The following JAKMIP3 variants were observed in gnomAD, a reference collection of about 807,000 sequenced individuals.
JAKMIP3 encodes janus kinase and microtubule-interacting protein 3.
Under a neutral mutation model 118.5 loss-of-function variants are expected in JAKMIP3, and 58 were observed. That is an observed-to-expected ratio of 0.49 (90% CI 0.40 to 0.61). JAKMIP3 has a LOEUF of 0.61. Among genes scored for constraint, JAKMIP3 ranks in the 20% least tolerant of loss-of-function variants. JAKMIP3 has a pLI of 0.00. For missense variants in JAKMIP3, 950 were observed against 1,109.0 expected, an observed-to-expected ratio of 0.86 and a Z score of 2.04; for synonymous variants, 486 against 451.2, an observed-to-expected ratio of 1.08 and a Z score of -0.98.
intron 1 of JAKMIP3, among the ~76,000 whole-genome samples, chr10:132,052,811 G>T (rs542255993): frequency 6.6e-6 from 1 of 152,234 alleles, no homozygotes; most frequent in East Asian, 1.9e-4. Flanking sequence ...TTTCTTCAAA[G>T]AAATAGAAAA....
intron 19 of JAKMIP3, 25 bp downstream of exon 19, chr10:132,154,015 C>T (rs1564972869): frequency 1.2e-6 from 2 of 1,609,024 alleles, no homozygotes; most frequent in African/African-American, 1.3e-5. Context: ...ACTGCTGGAA[C>T]CCCGGGGAGG....
chr10:132,042,330 A>C (rs1470576283), intron 1 of JAKMIP3, among the ~76,000 whole-genome samples: 1 of 149,424 alleles, frequency 6.7e-6, no homozygotes, highest in South Asian at 2.1e-4. Context: ...TCACACTTCA[A>C]CCTCCTGATT....
At chr10:132,084,351 T>C (rs1481791068) in intron 1 of JAKMIP3, among the ~76,000 whole-genome samples, 1 of 152,208 alleles carries the variant, frequency 6.6e-6, no homozygotes, top group Non-Finnish European at 1.5e-5. Flanking sequence ...TTGCTGTTGG[T>C]GTATAGGAGA....
intron 3 of JAKMIP3, among the ~76,000 whole-genome samples, chr10:132,123,803 C>T (rs1383166720): frequency 2.6e-5 from 4 of 152,208 alleles, no homozygotes; most frequent in African/African-American, 9.6e-5. Flanking sequence ...CCACCCACAG[C>T]CAGATGCAGC....
In JAKMIP3 at chr10:132,079,185, A is replaced by C. The variant is rs191690436; in HGVS notation, c.-138+13124A>C. Among the ~76,000 whole-genome samples, 376 of 127,970 alleles carry C rather than the reference A, an allele frequency of 2.9e-3. 13 individuals carry two copies. The East Asian group carries it at 0.088, about 30-fold the overall frequency. The allele number at this position is 127,970 out of a possible 152,430, so 84.0% of individuals were successfully genotyped here. Reference sequence around the variant, plus strand: ...AGCCCCACAGCGCTGGGGTCTGTGGACCCCGGTAGCCTCGCTTCTGGTGGT... The same window carrying C: ...AGCCCCACAGCGCTGGGGTCTGTGGCCCCCGGTAGCCTCGCTTCTGGTGGT... On this transcript the variant is annotated intron_variant, in intron 1 of 23. Transcript: ENST00000684848.
chr10:132,161,765 T>C (rs1276965837), intron 19 of JAKMIP3, among the ~76,000 whole-genome samples: 3 of 53,944 alleles, frequency 5.6e-5, no homozygotes, highest in Non-Finnish European at 9.8e-5. Flanking sequence ...TGCTGGGGGG[T>C]GTCTCTCCCT....
chr10:132,149,491 G>T lies in JAKMIP3; in HGVS notation c.1928G>T (p.Cys643Phe), dbSNP rs2055388573. Residue 643 changes from cysteine to phenylalanine, a missense_variant, in exon 15 of 24, where the codon TGC becomes TTC. Cys to Phe is a radical substitution (Grantham distance 205). Coordinates refer to ENST00000684848, the MANE Select transcript of JAKMIP3 (RefSeq NM_001323087.2). ...VDGKSPLQVYCEAEGVTDIVV... is the reference protein window; with the variant it reads ...VDGKSPLQVYFEAEGVTDIVV... ...GGGAAGAGCCCCCTCCAGGTGTACTGCGAGGCCGAAGGTGTGACGGTGAGT... is the reference window on the plus strand; with the variant it reads ...GGGAAGAGCCCCCTCCAGGTGTACTTCGAGGCCGAAGGTGTGACGGTGAGT... 1.3e-6 allele frequency: 2 copies of T among 1,590,476 alleles called. No individual in the cohort carries two copies. The highest frequency in any genetic ancestry group is 2.8e-5 in the African/African-American group (2 of 71,738).
Position 132,104,845 on chromosome 10 carries a change from GA to G in JAKMIP3, c.38del (p.Asp13AlafsTer72). On this transcript the variant is annotated frameshift_variant, in exon 2 of 24. Transcript: ENST00000684848. ...GGGCATGAGCAGCCGGGCCAAGGGG[GA>G]CAAGGCAGAGGCCCTCGCGGCGCTG... ...KRGMSSRAKG[D>X]KAEALAALQA... The G allele has an allele frequency of 6.4e-7, 1 of 1,555,216 alleles. No individual in the cohort carries two copies. The highest frequency in any genetic ancestry group is 8.7e-7 in the Non-Finnish European group (1 of 1,149,430).
In JAKMIP3 at chr10:132,104,867, C is replaced by T. The variant is rs756701841; in HGVS notation, c.59C>T (p.Ala20Val). The stretch of plus-strand genomic sequence containing the variant: ...GGGGACAAGGCAGAGGCCCTCGCGG[C>T]GCTGCAGGCGGCCAACGAGGATCTT... ...AKGDKAEALA[A>V]LQAANEDLRA... The change falls in exon 2 of 24, where the codon GCG becomes GTG. Residue 20 changes from alanine to valine, a missense_variant. Coordinates refer to ENST00000684848, the MANE Select transcript of JAKMIP3 (RefSeq NM_001323087.2). The T allele has an allele frequency of 9.0e-6, 14 of 1,563,168 alleles. No individual in the cohort carries two copies. The East Asian group carries it at 1.4e-4, about 16-fold the overall frequency.
chr10:132,156,229 C>A (rs1167818383), intron 19 of JAKMIP3, among the ~76,000 whole-genome samples: 2 of 152,178 alleles, frequency 1.3e-5, no homozygotes, highest in African/African-American at 2.4e-5. Flanking sequence ...CAGTCTCTGT[C>A]CCCCGAAGCT....
chr10:132,128,911 A>G (rs974807289), intron 3 of JAKMIP3, among the ~76,000 whole-genome samples: 2 of 152,202 alleles, frequency 1.3e-5, no homozygotes, highest in Admixed American at 6.5e-5. Flanking sequence ...GTCTGTTTCT[A>G]TCAATCACAA....
At chr10:132,180,598 CGTGCGCGTGTGTGTGTGCGT>C (rs2060837671) in intron 23 of JAKMIP3, among the ~76,000 whole-genome samples, 2 of 7,370 alleles carry the variant, frequency 2.7e-4, no homozygotes, top group African/African-American at 9.5e-4. Flanking sequence ...TGTGTGTGTG[CGTGCGCGTGTGTGTGTGCGT>C]GTGTGTGCGT....
At position 132,049,943 on chromosome 10, in the gene JAKMIP3, C is replaced by T. The variant is rs894494396; in HGVS notation, c.-138+13205C>T. Reference sequence around the variant, plus strand: ...CCCTTTTCTGTCAGCCTGGCGATGTCCACACATTTTAGTGAGGTTTTTTTG... The same window carrying T: ...CCCTTTTCTGTCAGCCTGGCGATGTTCACACATTTTAGTGAGGTTTTTTTG... On this transcript the variant is annotated intron_variant, in intron 1 of 23. Transcript: ENST00000657785. The surrounding 1 kb of genome is among the most constrained non-coding windows in gnomAD (Gnocchi z 4.3). Among the ~76,000 whole-genome samples, 2 of 152,184 alleles carry T rather than the reference C, an allele frequency of 1.3e-5. No individual in the cohort carries two copies. Among genetic ancestry groups the T allele is most frequent in the Non-Finnish European group, 1.5e-5 (1 of 68,024 alleles).
At chr10:132,106,095 G>A (rs1468503823) in intron 2 of JAKMIP3, among the ~76,000 whole-genome samples, 1 of 152,116 alleles carries the variant, frequency 6.6e-6, no homozygotes, top group Admixed American at 6.5e-5. Flanking sequence ...AGCACATTAG[G>A]AGGCCAAGGT....
At chr10:132,082,477 T>C (rs1166171572) in intron 1 of JAKMIP3, among the ~76,000 whole-genome samples, 1 of 152,182 alleles carries the variant, frequency 6.6e-6, no homozygotes, top group African/African-American at 2.4e-5. Context: ...GAGCATATGA[T>C]GTTTGGTTTT....
rs201179686 is a variant in JAKMIP3 at position 132,144,928 on chromosome 10, CA to C, written c.1603-170del. ...TGGATGACAGAGCCAAACCCTGTCTCAAAAAAAAACAAAACAGTTCTCCCTC... is the reference window on the plus strand; with the variant it reads ...TGGATGACAGAGCCAAACCCTGTCTCAAAAAAAACAAAACAGTTCTCCCTC... On this transcript the variant is annotated intron_variant, in intron 11 of 23. Coordinates refer to ENST00000684848, the MANE Select transcript of JAKMIP3 (RefSeq NM_001323087.2). Among the ~76,000 whole-genome samples the C allele has an allele frequency of 7.4e-5, 11 of 149,512 alleles. No individual in the cohort carries two copies. The East Asian group carries it at 1.8e-3, about 24-fold the overall frequency.
At position 132,177,991 on chromosome 10, in the gene JAKMIP3, AGT is replaced by A. The variant is rs574479899; in HGVS notation, c.*1104-4357_*1104-4356del. ...GTGCACCTGCTCTTGTGCCCTGGGT[AGT>A]GTGTGTGTCTGTGCACACTGTGCAT... On this transcript the variant is annotated intron_variant, in intron 23 of 23. Coordinates refer to ENST00000684848, the MANE Select transcript of JAKMIP3 (RefSeq NM_001323087.2). 1.5e-4 allele frequency among the ~76,000 whole-genome samples: 22 copies of A among 151,106 alleles called. No homozygotes were observed. The East Asian group carries it at 4.1e-3, about 28-fold the overall frequency.
intron 3 of JAKMIP3, among the ~76,000 whole-genome samples, chr10:132,120,442 C>T (rs982848969): frequency 4.6e-5 from 7 of 152,226 alleles, no homozygotes; most frequent in African/African-American, 1.7e-4. Flanking sequence ...CACCCCTGAC[C>T]ACAGCTGCCC....
chr10:132,127,224 CTTTT>C (rs11354978), intron 3 of JAKMIP3, among the ~76,000 whole-genome samples: 2 of 129,024 alleles, frequency 1.6e-5, no homozygotes, highest in African/African-American at 2.8e-5. Flanking sequence ...TTAGACTTTT[CTTTT>C]TTTTTTTTTT....
Sources: allele counts gnomAD v4.1 joint callset (sites outside exome capture counted in the v4.1 genomes callset), GRCh38; gene constraint gnomAD v4.1.1; non-coding constraint Gnocchi (gnomAD v3.1); transcripts MANE v1.5; gene names NCBI Gene and HGNC (gene_info 2026-07-23, HGNC 2026-07-21).